MSTO1: variants seen among roughly 807,000 people sequenced by gnomAD.
MSTO1 encodes protein misato homolog 1.
MSTO1 carries 24 observed loss-of-function variants against 55.7 expected under a neutral mutation model. The observed-to-expected ratio is 0.43, with a 90% CI of 0.31 to 0.61. The LOEUF is 0.61. MSTO1 is among the 20% of genes least tolerant of loss of function. The pLI is 0.09. For synonymous variants in MSTO1, 162 were observed against 252.8 expected, an observed-to-expected ratio of 0.64 and a Z score of 3.41; for missense variants, 363 against 625.7, an observed-to-expected ratio of 0.58 and a Z score of 4.48.
chr1:155,593,228 G>A, the MSTO1 span, among the ~76,000 whole-genome samples: 32 of 152,086 alleles, frequency 2.1e-4, no homozygotes, highest in African/African-American at 7.0e-4. Flanking sequence ...GTTCTTAGTG[G>A]ATGCTTTACA....
At chr1:155,574,245 C>T in the MSTO1 span, among the ~76,000 whole-genome samples, 5 of 152,118 alleles carry the variant, frequency 3.3e-5, no homozygotes, top group Non-Finnish European at 7.3e-5. Context: ...GTAGTCCAAG[C>T]TACTTGAGAG....
At chr1:155,580,883 G>C in the MSTO1 span, among the ~76,000 whole-genome samples, 2 of 138,494 alleles carry the variant, frequency 1.4e-5, no homozygotes, top group African/African-American at 2.7e-5. Flanking sequence ...CACTCCACTT[G>C]GGTAACAGAG....
intron 11 of MSTO1, 86 bp from the exon 12 acceptor site, chr1:155,613,376 T>C (rs757101309): frequency 6.3e-7 from 1 of 1,592,860 alleles, no homozygotes; most frequent in Non-Finnish European, 8.6e-7. Context: ...AATATCTTGA[T>C]CCAGCTGATG....
At chr1:155,580,184 G>A in the MSTO1 span, among the ~76,000 whole-genome samples, 1 of 151,106 alleles carries the variant, frequency 6.6e-6, no homozygotes, top group Non-Finnish European at 1.5e-5. Context: ...CATGGCCAGC[G>A]GTTTGAAACC....
At position 155,611,737 on chromosome 1, in the gene MSTO1, C is replaced by T. The variant is rs1258548751; in HGVS notation, c.470C>T (p.Thr157Ile). The change falls in exon 6 of 14, where the codon ACA becomes ATA. Residue 157 changes from threonine (T) to isoleucine (I), a missense_variant. Thr to Ile is a moderately conservative substitution (Grantham distance 89). Coordinates refer to ENST00000245564, the MANE Select transcript of MSTO1 (RefSeq NM_018116.4). Reference sequence around the variant, plus strand: ...ACAACTCCAAAACCACTTATCCCTACAGAGGCCAGCATCAGGGTCTGGTCA... The same window carrying T: ...ACAACTCCAAAACCACTTATCCCTATAGAGGCCAGCATCAGGGTCTGGTCA... The part of the protein sequence containing the change: ...TATTPKPLIP[T>I]EASIRVWSDF... The T allele has an allele frequency of 9.2e-6, 7 of 758,696 alleles. No homozygotes were observed. In the South Asian group the frequency reaches 1.2e-4, roughly 13 times the overall value. The allele number at this position is 758,696 out of a possible 1,614,324, so 47.0% of individuals were successfully genotyped here.
chr1:155,584,106 C>CGCTTGTA, the MSTO1 span, among the ~76,000 whole-genome samples: 2 of 152,144 alleles, frequency 1.3e-5, no homozygotes, highest in South Asian at 2.1e-4. Flanking sequence ...AGGTGGCTCA[C>CGCTTGTA]GCTTGTAATC....
At position 155,610,278 on chromosome 1, in the gene MSTO1, A is replaced by G. The variant is rs754852654; in HGVS notation, c.30A>G (p.Thr10=). 4.9e-5 allele frequency: 46 copies of G among 944,260 alleles called. No homozygotes were observed. The South Asian group carries it at 6.5e-4, about 13-fold the overall frequency. 58.5% of individuals were successfully genotyped at this position (944,260 alleles called of 1,614,324 possible). The part of the protein sequence containing the change: MAGGAREVL[T]LQLGHFAGFV... ...CGGGCGGGGCCCGGGAGGTGCTCACACTGCAGTTGGGACATTTTGCCGGTT... is the reference window on the plus strand; with the variant it reads ...CGGGCGGGGCCCGGGAGGTGCTCACGCTGCAGTTGGGACATTTTGCCGGTT... The change falls in exon 1 of 14, where the codon ACA becomes ACG. Residue 10 remains threonine, a synonymous_variant. Transcript: ENST00000245564.
At chr1:155,571,653 T>G in the MSTO1 span, among the ~76,000 whole-genome samples, 2 of 152,204 alleles carry the variant, frequency 1.3e-5, no homozygotes. Flanking sequence ...GCTCTAACAT[T>G]GCTCTAGGAA....
the MSTO1 span, among the ~76,000 whole-genome samples, chr1:155,574,998 C>T: frequency 1.3e-5 from 2 of 151,666 alleles, no homozygotes; most frequent in Admixed American, 1.3e-4. Flanking sequence ...TCCCGATTAG[C>T]TGGGATTACA....
the MSTO1 span, among the ~76,000 whole-genome samples, chr1:155,591,898 A>G: frequency 6.6e-6 from 1 of 152,146 alleles, no homozygotes; most frequent in East Asian, 1.9e-4. Context: ...GGGCCCAGGA[A>G]TTTGAGACTG....
chr1:155,564,678 G>C, the MSTO1 span, among the ~76,000 whole-genome samples: 2 of 152,124 alleles, frequency 1.3e-5, no homozygotes, highest in African/African-American at 4.8e-5. Context: ...CACTTTCATG[G>C]AGCCCACTTG....
the MSTO1 span, among the ~76,000 whole-genome samples, chr1:155,564,519 C>T: frequency 3.9e-5 from 6 of 152,110 alleles, no homozygotes; most frequent in South Asian, 8.3e-4. Context: ...AAATAAAAAG[C>T]CCTTGCAACC....
In MSTO1 at chr1:155,612,832, G is replaced by A; in HGVS notation, c.967-12G>A. On this transcript the variant is annotated splice_polypyrimidine_tract_variant and intron_variant, in intron 9 of 13. Transcript: ENST00000245564. Reference sequence around the variant, plus strand: ...CCTGAGGCCAAGTGCCCATCTTGGTGTCTTCTTACAGGCCACTCTGCCCTT... The same window carrying A: ...CCTGAGGCCAAGTGCCCATCTTGGTATCTTCTTACAGGCCACTCTGCCCTT... The A allele has an allele frequency of 6.2e-7, 1 of 1,613,642 alleles. No individual in the cohort carries two copies. The highest frequency in any genetic ancestry group is 8.5e-7 in the Non-Finnish European group (1 of 1,179,744).
chr1:155,591,232 C>T, the MSTO1 span: 4 of 1,609,756 alleles, frequency 2.5e-6, no homozygotes, highest in Non-Finnish European at 2.5e-6. Context: ...GTCAGGACGA[C>T]TCCCAGGATC....
chr1:155,586,934 G>C, the MSTO1 span, among the ~76,000 whole-genome samples: 9 of 152,176 alleles, frequency 5.9e-5, no homozygotes, highest in African/African-American at 1.9e-4. Context: ...TTTTAGGAGA[G>C]ATGGGGTTTT....
chr1:155,594,472 C>T, the MSTO1 span, among the ~76,000 whole-genome samples: 2 of 151,956 alleles, frequency 1.3e-5, no homozygotes, highest in African/African-American at 2.4e-5. Context: ...GCAGAAGTAT[C>T]GAAGCAGTAA....
chr1:155,569,161 A>T, the MSTO1 span, among the ~76,000 whole-genome samples: 1 of 151,702 alleles, frequency 6.6e-6, no homozygotes, highest in African/African-American at 2.4e-5. Flanking sequence ...TTTGAAACAG[A>T]GTCTTGCACT....
the MSTO1 span, among the ~76,000 whole-genome samples, chr1:155,587,565 A>G: frequency 2.0e-5 from 3 of 150,336 alleles, no homozygotes; most frequent in African/African-American, 7.3e-5. Context: ...AACACGGTGA[A>G]ACCCCGTCTC....
chr1:155,568,599 T>C, the MSTO1 span, among the ~76,000 whole-genome samples: 1 of 150,856 alleles, frequency 6.6e-6, no homozygotes, highest in African/African-American at 2.4e-5. Context: ...CCACCACACC[T>C]GACTAATTTT....
Sources: gnomAD v4.1 joint callset for allele counts (sites outside exome capture counted in the v4.1 genomes callset) on GRCh38, gnomAD v4.1.1 for gene constraint, MANE v1.5 for transcripts, NCBI Gene and HGNC (gene_info 2026-07-23, HGNC 2026-07-21) for gene names.